HABP4: variants seen among roughly 807,000 people sequenced by gnomAD.
HABP4 encodes intracellular hyaluronan-binding protein 4.
HABP4 carries 32 observed loss-of-function variants against 44.1 expected under a neutral mutation model. The ratio of observed to expected loss-of-function variants is 0.73; its 90% CI spans 0.55 to 0.97. The LOEUF (loss-of-function observed/expected upper bound fraction) is 0.97, where lower values mean the gene tolerates loss of function less well. HABP4 is among the 50% of genes least tolerant of loss of function. The pLI is 0.00. For missense variants in HABP4, 503 were observed against 561.9 expected (o/e 0.90, Z 1.06); for synonymous variants, 216 against 218.0 (o/e 0.99, Z 0.08).
intron 4 of HABP4, among the ~76,000 whole-genome samples, chr9:96,470,757 C>T (rs1343116531): frequency 3.3e-5 from 5 of 151,664 alleles, no homozygotes; most frequent in East Asian, 2.0e-4. Context: ...ATTAGCTGGG[C>T]GTGGTGGTGG....
chr9:96,474,055 C>G (rs1279851178), intron 5 of HABP4, among the ~76,000 whole-genome samples: 1 of 152,126 alleles, frequency 6.6e-6, no homozygotes, highest in Non-Finnish European at 1.5e-5. Flanking sequence ...TATCTGTGTC[C>G]TAGAGTGGTG....
intron 3 of HABP4, 44 bp from the exon 4 acceptor site, chr9:96,465,666 G>A (rs1832587834): frequency 7.4e-7 from 1 of 1,343,482 alleles, no homozygotes; most frequent in Non-Finnish European, 1.1e-6. Flanking sequence ...GAGATTGACT[G>A]GAGACTAGCT....
intron 2 of HABP4, among the ~76,000 whole-genome samples, 157 bp downstream of exon 2, chr9:96,458,698 A>G (rs1212843068): frequency 6.8e-6 from 1 of 146,086 alleles, no homozygotes; most frequent in Non-Finnish European, 1.5e-5. Flanking sequence ...ATCTCGGCTC[A>G]CTGCAACCTC....
At chr9:96,462,800 T>C (rs1832529110) in intron 2 of HABP4, among the ~76,000 whole-genome samples, 1 of 151,686 alleles carries the variant, frequency 6.6e-6, no homozygotes, top group African/African-American at 2.4e-5. Context: ...CACATGCCTG[T>C]AGTCTCAGCT....
chr9:96,468,473 A>G (rs1033191896), intron 4 of HABP4, among the ~76,000 whole-genome samples: 1 of 152,108 alleles, frequency 6.6e-6, no homozygotes, highest in Non-Finnish European at 1.5e-5. Context: ...GTTAGCCAGG[A>G]TGGTCTCAAT....
At chr9:96,473,449 C>T (rs1394217417) in intron 5 of HABP4, among the ~76,000 whole-genome samples, 1 of 152,216 alleles carries the variant, frequency 6.6e-6, no homozygotes, top group Non-Finnish European at 1.5e-5. Context: ...CACTCACCAG[C>T]GTCGTCTAAG....
chr9:96,465,442 C>T lies in HABP4; in HGVS notation c.618C>T (p.Asp206=), dbSNP rs142219564. The change falls in exon 3 of 8, where the codon GAC becomes GAT. Residue 206 remains aspartate (D), a synonymous_variant. Transcript: ENST00000375249. The part of the protein sequence containing the change: ...GRGGPGNRVF[D]AFDQRGKREF... ...GTGGCCCTGGGAACAGAGTTTTTGA[C>T]GCTTTTGACCAGAGAGGAAAGCGAG... is the stretch of plus-strand genomic sequence containing the variant. 3.2e-4 allele frequency: 511 copies of T among 1,612,048 alleles called. 1 individual carries two copies. Among genetic ancestry groups the T allele is most frequent in the South Asian group, 2.3e-3 (210 of 91,030 alleles).
At chr9:96,460,741 G>A (rs774552127) in intron 2 of HABP4, among the ~76,000 whole-genome samples, 41 of 152,244 alleles carry the variant, frequency 2.7e-4, no homozygotes, top group Admixed American at 5.2e-4. Context: ...ATGTTTCCTC[G>A]TGGAATGAGG....
intron 1 of HABP4, among the ~76,000 whole-genome samples, chr9:96,453,964 C>G (rs1361074344): frequency 6.6e-6 from 1 of 152,066 alleles, no homozygotes; most frequent in Non-Finnish European, 1.5e-5. Flanking sequence ...GATCATTATT[C>G]TAATTATCTT....
At chr9:96,463,049 T>C (rs1031998168) in intron 2 of HABP4, among the ~76,000 whole-genome samples, 1 of 151,928 alleles carries the variant, frequency 6.6e-6, no homozygotes, top group African/African-American at 2.4e-5. Flanking sequence ...GCTCAAGTAA[T>C]CCTCCCACTT....
chr9:96,455,503 C>T (rs1284518300), intron 1 of HABP4, among the ~76,000 whole-genome samples: 1 of 147,548 alleles, frequency 6.8e-6, no homozygotes, highest in East Asian at 2.0e-4. Flanking sequence ...GTGACTCACA[C>T]CTGTAATCCC....
intron 1 of HABP4, among the ~76,000 whole-genome samples, chr9:96,455,913 G>A (rs1351647872): frequency 6.6e-6 from 1 of 151,486 alleles, no homozygotes; most frequent in Non-Finnish European, 1.5e-5. Context: ...AACTTAGCCC[G>A]GTATGGTGGC....
Position 96,450,643 on chromosome 9 carries a change from C to CG in HABP4, c.349+19dup. 7.9e-7 allele frequency: 1 copy of CG among 1,260,022 alleles called. No homozygotes were observed. Among genetic ancestry groups the CG allele is most frequent in the Non-Finnish European group, 1.0e-6 (1 of 1,002,222 alleles). 78.1% of individuals were successfully genotyped at this position (1,260,022 alleles called of 1,614,324 possible). A position where few individuals can be genotyped will look rare whatever the true frequency, so the allele number is the denominator to read the frequency against. ...GCAGGCGCCGGGTACGCGGGGACAG[C>CG]GGGGTTAGCGGACCACGGCTCGGCC... On this transcript the variant is annotated intron_variant, in intron 1 of 7. Coordinates refer to ENST00000375249, the MANE Select transcript of HABP4 (RefSeq NM_014282.4). The surrounding 1 kb of genome is among the most constrained non-coding windows in gnomAD (Gnocchi z 4.8).
chr9:96,484,075 C>G (rs1313407899), intron 5 of HABP4: 1 of 156,832 alleles, frequency 6.4e-6, no homozygotes, highest in African/African-American at 2.4e-5. Context: ...AGTATGCATT[C>G]ATGAGCCACT....
chr9:96,467,528 T>TTTTTTTTTTTTTTTTTTTTTCC (rs1832623767), intron 4 of HABP4, among the ~76,000 whole-genome samples: 1 of 124,534 alleles, frequency 8.0e-6, no homozygotes, highest in African/African-American at 4.2e-5. Flanking sequence ...CTTTTTTTCC[T>TTTTTTTTTTTTTTTTTTTTTCC]TTTTTTTTTT....
intron 5 of HABP4, among the ~76,000 whole-genome samples, chr9:96,482,612 C>T (rs1197449108): frequency 6.6e-6 from 1 of 152,148 alleles, no homozygotes; most frequent in Non-Finnish European, 1.5e-5. Flanking sequence ...AGGTTGTTAT[C>T]ATCCCAAAAG....
intron 4 of HABP4, among the ~76,000 whole-genome samples, chr9:96,468,502 G>T (rs372982087): frequency 6.6e-6 from 1 of 151,974 alleles, no homozygotes; most frequent in Non-Finnish European, 1.5e-5. Flanking sequence ...CTCATGATCC[G>T]CTCACCTCAG....
intron 6 of HABP4, among the ~76,000 whole-genome samples, chr9:96,485,138 C>T (rs567589999): frequency 1.3e-4 from 20 of 152,126 alleles, no homozygotes; most frequent in Admixed American, 2.0e-4. Context: ...CCGCAACCTC[C>T]GCCTCCCGGG....
chr9:96,454,412 G>C (rs1014802606), intron 1 of HABP4, among the ~76,000 whole-genome samples: 2 of 149,660 alleles, frequency 1.3e-5, no homozygotes, highest in African/African-American at 4.9e-5. Context: ...GGCTTTTTCT[G>C]CCTTACATTT....
Sources: allele counts gnomAD v4.1 joint callset (sites outside exome capture counted in the v4.1 genomes callset), GRCh38; gene constraint gnomAD v4.1.1; non-coding constraint Gnocchi (gnomAD v3.1); transcripts MANE v1.5; gene names NCBI Gene and HGNC (gene_info 2026-07-23, HGNC 2026-07-21).